Variants in ARMC2 observed in about 807,000 individuals in gnomAD.
ARMC2 encodes the protein armadillo repeat-containing protein 2.
ARMC2 carries 67 observed loss-of-function variants against 90.3 expected under a neutral mutation model. The ratio of observed to expected loss-of-function variants is 0.74; its 90% confidence interval spans 0.61 to 0.91. ARMC2 has a LOEUF of 0.91. Ranked by LOEUF, ARMC2 falls within the 40% of genes least tolerant of loss-of-function variation. The pLI is 0.00. For synonymous variants in ARMC2, 393 were observed against 393.0 expected, an observed-to-expected ratio of 1.00 and a Z score of 0.00; for missense variants, 920 against 1,030.9, an observed-to-expected ratio of 0.89 and a Z score of 1.47.
At chr6:108,941,220 T>G (rs2128495836) in intron 12 of ARMC2, among the ~76,000 whole-genome samples, 1 of 152,272 alleles carries the variant, frequency 6.6e-6, no homozygotes, top group African/African-American at 2.4e-5. Context: ...TCAAAGCCAA[T>G]TCCATATTTC....
chr6:108,985,936 TGA>T, the ARMC2 span, among the ~76,000 whole-genome samples: 2 of 152,218 alleles, frequency 1.3e-5, no homozygotes, highest in African/African-American at 4.8e-5. Context: ...TGTCTTCTCA[TGA>T]GAGTAAATAT....
At chr6:108,937,999 C>T in intron 12 of ARMC2, among the ~76,000 whole-genome samples, 1 of 152,198 alleles carries the variant, frequency 6.6e-6, no homozygotes, top group Non-Finnish European at 1.5e-5. Flanking sequence ...TGCACCCGGC[C>T]ACAGGCATTA....
At chr6:108,899,398 T>G (rs976047859) in intron 6 of ARMC2, among the ~76,000 whole-genome samples, 1 of 152,212 alleles carries the variant, frequency 6.6e-6, no homozygotes, top group Non-Finnish European at 1.5e-5. Context: ...AAAAATGTAC[T>G]CAAAACTGTT....
intron 15 of ARMC2, among the ~76,000 whole-genome samples, chr6:108,963,496 A>G (rs909106861): frequency 5.9e-5 from 9 of 152,198 alleles, no homozygotes; most frequent in African/African-American, 2.2e-4. Context: ...GGCCGGGGCT[A>G]GAACAGGGCA....
chr6:108,903,663 G>C (rs1277924610), intron 7 of ARMC2, among the ~76,000 whole-genome samples: 2 of 152,088 alleles, frequency 1.3e-5, no homozygotes, highest in Non-Finnish European at 2.9e-5. Flanking sequence ...ATCTATTTGA[G>C]GGCACTGGTC....
chr6:108,968,118 G>A (rs1778503520), intron 17 of ARMC2, among the ~76,000 whole-genome samples: 1 of 152,170 alleles, frequency 6.6e-6, no homozygotes, highest in Admixed American at 6.5e-5. Flanking sequence ...ATACAAAGAA[G>A]GTACTTGATA....
intron 2 of ARMC2, among the ~76,000 whole-genome samples, chr6:108,856,027 CTT>C (rs1182378265): frequency 6.6e-6 from 1 of 152,146 alleles, no homozygotes; most frequent in Non-Finnish European, 1.5e-5. Flanking sequence ...TTGATAGTGT[CTT>C]TTGCAGAGCA....
chr6:108,943,483 T>A (rs1043957310), intron 12 of ARMC2, among the ~76,000 whole-genome samples: 1 of 152,144 alleles, frequency 6.6e-6, no homozygotes, highest in African/African-American at 2.4e-5. Flanking sequence ...TCAGAGTGGC[T>A]CCCCAACTTG....
At chr6:108,983,018 T>C in the ARMC2 span, among the ~76,000 whole-genome samples, 4 of 151,638 alleles carry the variant, frequency 2.6e-5, no homozygotes, top group Non-Finnish European at 5.9e-5. Flanking sequence ...GGGGTTTTCC[T>C]ATGTTGGCCA....
intron 10 of ARMC2, among the ~76,000 whole-genome samples, chr6:108,917,286 C>T (rs994843438): frequency 6.6e-6 from 1 of 152,108 alleles, no homozygotes; most frequent in Non-Finnish European, 1.5e-5. Context: ...CCTGCAGACA[C>T]CTCCCTAGCA....
chr6:108,919,013 G>A (rs1372757925), intron 10 of ARMC2, among the ~76,000 whole-genome samples: 1 of 152,204 alleles, frequency 6.6e-6, no homozygotes, highest in Admixed American at 6.5e-5. Context: ...GTAGAGAAGA[G>A]CACCAAAGAG....
At position 108,943,201 on chromosome 6, in the gene ARMC2, C is replaced by A. The variant is rs571807705; in HGVS notation, c.1596+6202C>A. ...CAAAATTTTCCATTATTTTTACATT[C>A]TTTTTCTCTTGTCAAGGTAAAGTCT... is the stretch of plus-strand genomic sequence containing the variant. On this transcript the variant is annotated intron_variant, in intron 12 of 17. Transcript: ENST00000392644. 5.6e-4 allele frequency among the ~76,000 whole-genome samples: 85 copies of A among 152,214 alleles called. 2 individuals are homozygous for A. In the Middle Eastern group the frequency reaches 0.044, roughly 79 times the overall value.
In ARMC2 at chr6:108,929,330, C is replaced by T. The variant is rs551914921; in HGVS notation, c.1496+1097C>T. 7.9e-5 allele frequency among the ~76,000 whole-genome samples: 12 copies of T among 152,272 alleles called. No homozygotes were observed. The South Asian group carries it at 2.5e-3, about 32-fold the overall frequency. Reference sequence around the variant, plus strand: ...AGCACCTTTTACTGACTATGCCATCCTTTCTCACTGATTTTGTCAATCAGA... The same window carrying T: ...AGCACCTTTTACTGACTATGCCATCTTTTCTCACTGATTTTGTCAATCAGA... On this transcript the variant is annotated intron_variant, in intron 11 of 17. Transcript: ENST00000392644.
chr6:109,002,217 G>T, the ARMC2 span: 1 of 1,425,588 alleles, frequency 7.0e-7, no homozygotes. Flanking sequence ...CCAACATGTG[G>T]GTCATGAAAG....
chr6:109,006,951 G>C, the ARMC2 span, among the ~76,000 whole-genome samples: 1 of 152,112 alleles, frequency 6.6e-6, no homozygotes, highest in Non-Finnish European at 1.5e-5. Context: ...CAGATTCTAG[G>C]AGACAGAACT....
At chr6:108,998,864 T>C in the ARMC2 span, 5 of 1,283,646 alleles carry the variant, frequency 3.9e-6, no homozygotes, top group Non-Finnish European at 5.2e-6. Context: ...ATACAAAGCC[T>C]AGCATAAAAT....
At chr6:109,011,016 A>T in the ARMC2 span, among the ~76,000 whole-genome samples, 1 of 152,226 alleles carries the variant, frequency 6.6e-6, no homozygotes, top group African/African-American at 2.4e-5. Flanking sequence ...GTATGTGAAA[A>T]ATGATGACTC....
chr6:108,970,141 T>A (rs775371625), intron 17 of ARMC2, among the ~76,000 whole-genome samples: 4 of 152,216 alleles, frequency 2.6e-5, no homozygotes, highest in Non-Finnish European at 5.9e-5. Context: ...ATATGGCACT[T>A]TTAATGTATG....
At chr6:108,971,621 CT>C (rs112952699) in intron 17 of ARMC2, among the ~76,000 whole-genome samples, 5 of 151,954 alleles carry the variant, frequency 3.3e-5, no homozygotes, top group African/African-American at 1.2e-4. Flanking sequence ...TTCATTGGCC[CT>C]TAAAAAAAAA....
Sources: allele counts gnomAD v4.1 joint callset (sites outside exome capture counted in the v4.1 genomes callset), GRCh38; gene constraint gnomAD v4.1.1; transcripts MANE v1.5; gene names NCBI Gene and HGNC (gene_info 2026-07-23, HGNC 2026-07-21).